The following CNOT10 variants were observed in gnomAD, a reference collection of about 807,000 sequenced individuals.
CNOT10 encodes the protein CCR4-NOT transcription complex, subunit 10.
Under a neutral mutation model 94.6 loss-of-function variants are expected in CNOT10, and 30 were observed. The observed-to-expected ratio is 0.32, with a 90% CI of 0.24 to 0.43. The LOEUF (loss-of-function observed/expected upper bound fraction) is 0.43, where lower values mean the gene tolerates loss of function less well. Among genes scored for constraint, CNOT10 ranks in the 20% least tolerant of loss-of-function variants. The probability of loss-of-function intolerance (pLI) is 1.00; values close to 1 mark genes in which losing one functional copy is unlikely to be tolerated. For missense variants in CNOT10, 759 were observed against 877.2 expected (o/e 0.87, Z 1.70); for synonymous variants, 289 against 301.6 (o/e 0.96, Z 0.43).
chr3:32,702,278 G>T (rs1458051435), intron 1 of CNOT10, among the ~76,000 whole-genome samples: 1 of 152,192 alleles, frequency 6.6e-6, no homozygotes, highest in African/African-American at 2.4e-5. Flanking sequence ...ACTCTTGAGA[G>T]AACTATAAAA....
chr3:32,736,123 T>C (rs1462380516), intron 12 of CNOT10, among the ~76,000 whole-genome samples: 1 of 152,116 alleles, frequency 6.6e-6, no homozygotes, highest in Non-Finnish European at 1.5e-5. Context: ...TCTCCCTCTG[T>C]CACCCAGGCT....
chr3:32,731,551 T>G (rs1019948172), intron 10 of CNOT10, among the ~76,000 whole-genome samples: 9 of 152,108 alleles, frequency 5.9e-5, no homozygotes, highest in Admixed American at 1.3e-4. Context: ...CATGGCTCAC[T>G]GCAGTCTCGA....
chr3:32,720,974 C>CCTTCCCTTCCTTCT (rs1363239047), intron 8 of CNOT10, among the ~76,000 whole-genome samples: 3 of 142,718 alleles, frequency 2.1e-5, no homozygotes, highest in Non-Finnish European at 3.1e-5. Flanking sequence ...TCCCTCCTTT[C>CCTTCCCTTCCTTCT]CTTCCCTTCC....
chr3:32,690,365 G>T (rs1025819718), intron 1 of CNOT10, among the ~76,000 whole-genome samples: 2 of 151,968 alleles, frequency 1.3e-5, no homozygotes, highest in South Asian at 4.2e-4. Flanking sequence ...ATAATCTCAG[G>T]CTCTGAGTTT....
At chr3:32,762,529 T>C (rs1700497848) in intron 14 of CNOT10, among the ~76,000 whole-genome samples, 1 of 152,074 alleles carries the variant, frequency 6.6e-6, no homozygotes, top group South Asian at 2.1e-4. Context: ...CCTAGGCTTC[T>C]TGAAGTGTTG....
intron 10 of CNOT10, among the ~76,000 whole-genome samples, chr3:32,732,469 C>T (rs141637037): frequency 1.4e-3 from 206 of 152,118 alleles, no homozygotes; most frequent in African/African-American, 4.2e-3. Context: ...ACCTGTAGTC[C>T]CAGCTACTTG....
intron 1 of CNOT10, among the ~76,000 whole-genome samples, chr3:32,693,278 A>G (rs898114242): frequency 1.3e-5 from 2 of 151,698 alleles, no homozygotes; most frequent in African/African-American, 4.8e-5. Context: ...GTACAGGGGC[A>G]TGATCTTGGC....
chr3:32,742,291 G>A (rs978490550), intron 13 of CNOT10, among the ~76,000 whole-genome samples: 2 of 152,100 alleles, frequency 1.3e-5, no homozygotes, highest in East Asian at 1.9e-4. Flanking sequence ...GAAGTAAGAT[G>A]TGTAGTGCTA....
chr3:32,739,197 C>T (rs1394628205), intron 13 of CNOT10, among the ~76,000 whole-genome samples: 2 of 152,186 alleles, frequency 1.3e-5, no homozygotes, highest in Non-Finnish European at 2.9e-5. Flanking sequence ...TGAGCCACTG[C>T]GCCCGGCCAG....
At chr3:32,685,504 C>A (rs1248327500) in intron 1 of CNOT10, 22 bp downstream of exon 1, 2 of 1,549,620 alleles carry the variant, frequency 1.3e-6, no homozygotes, top group East Asian at 4.9e-5. Context: ...ATGTCCCGAG[C>A]GACGAGACGG....
chr3:32,689,972 C>G (rs1696783977), intron 1 of CNOT10, among the ~76,000 whole-genome samples: 1 of 151,964 alleles, frequency 6.6e-6, no homozygotes, highest in Non-Finnish European at 1.5e-5. Flanking sequence ...ACAAAAAAGC[C>G]AATACACATA....
intron 10 of CNOT10, among the ~76,000 whole-genome samples, chr3:32,728,958 G>A (rs377374448): frequency 4.6e-5 from 7 of 152,046 alleles, no homozygotes; most frequent in Non-Finnish European, 4.4e-5. Context: ...AAAATTAGCC[G>A]GGCGTTGTGG....
intron 4 of CNOT10, among the ~76,000 whole-genome samples, chr3:32,712,918 A>G (rs986111343): frequency 5.3e-5 from 8 of 152,200 alleles, no homozygotes; most frequent in Admixed American, 3.3e-4. Context: ...CACAACCTCT[A>G]TTGGAATTCA....
intron 18 of CNOT10, among the ~76,000 whole-genome samples, chr3:32,770,946 C>T (rs1475567222): frequency 2.0e-5 from 3 of 152,096 alleles, no homozygotes; most frequent in Non-Finnish European, 4.4e-5. Context: ...CTTCTGACCT[C>T]AGGTGATCTG....
At chr3:32,696,322 A>T (rs981279622) in intron 1 of CNOT10, among the ~76,000 whole-genome samples, 2 of 151,446 alleles carry the variant, frequency 1.3e-5, no homozygotes, top group African/African-American at 4.9e-5. Context: ...TCTCAAAAAA[A>T]AAAAAGAAGA....
chr3:32,746,477 C>G (rs1032247021), intron 13 of CNOT10, among the ~76,000 whole-genome samples: 1 of 152,140 alleles, frequency 6.6e-6, no homozygotes, highest in East Asian at 1.9e-4. Flanking sequence ...AGTGACAGAT[C>G]ATCAGGCATT....
chr3:32,721,463 AC>A (rs1698407521), intron 8 of CNOT10, among the ~76,000 whole-genome samples: 1 of 92,924 alleles, frequency 1.1e-5, no homozygotes, highest in Non-Finnish European at 2.0e-5. Flanking sequence ...TTAGTGAATT[AC>A]CATCTATACC....
intron 13 of CNOT10, among the ~76,000 whole-genome samples, chr3:32,756,826 G>A (rs924431235): frequency 4.6e-5 from 7 of 151,968 alleles, no homozygotes; most frequent in Non-Finnish European, 5.9e-5. Flanking sequence ...AATGGATATC[G>A]GGCCGGGTGC....
At chr3:32,755,120 C>T (rs997451711) in intron 13 of CNOT10, among the ~76,000 whole-genome samples, 55 of 150,728 alleles carry the variant, frequency 3.6e-4, no homozygotes, top group Non-Finnish European at 6.5e-4. Flanking sequence ...GTGGTGCACG[C>T]CTGTAGTCCC....
Sources: gnomAD v4.1 joint callset for allele counts (sites outside exome capture counted in the v4.1 genomes callset) on GRCh38, gnomAD v4.1.1 for gene constraint, MANE v1.5 for transcripts, NCBI Gene and HGNC (gene_info 2026-07-23, HGNC 2026-07-21) for gene names.